KLRG1: variants seen among roughly 807,000 people sequenced by gnomAD.
KLRG1 encodes the protein killer cell lectin-like receptor subfamily G member 1.
KLRG1 carries 16 observed loss-of-function variants against 21.8 expected under a neutral mutation model. The observed-to-expected ratio is 0.73, with a 90% CI of 0.50 to 1.11. The LOEUF is 1.11. Ranked by LOEUF, KLRG1 falls within the 50% of genes most tolerant of loss-of-function variation. KLRG1 has a pLI of 0.00. For synonymous variants in KLRG1, 69 were observed against 75.9 expected, an observed-to-expected ratio of 0.91 and a Z score of 0.47; for missense variants, 173 against 218.3, an observed-to-expected ratio of 0.79 and a Z score of 1.31.
the KLRG1 span, among the ~76,000 whole-genome samples, chr12:9,035,425 C>T: frequency 6.6e-6 from 1 of 151,626 alleles, no homozygotes; most frequent in South Asian, 2.1e-4. Flanking sequence ...GGGAGGGGAA[C>T]ATCACACACC....
chr12:9,043,303 CCTGACCTCAGGTGA>C, the KLRG1 span, among the ~76,000 whole-genome samples: 1 of 152,314 alleles, frequency 6.6e-6, no homozygotes, highest in East Asian at 1.9e-4. Flanking sequence ...GTCTTGAACT[CCTGACCTCAGGTGA>C]TCCACTTGCC....
chr12:8,954,423 CA>C (rs34443402), intron 1 of KLRG1, among the ~76,000 whole-genome samples: 5 of 146,994 alleles, frequency 3.4e-5, no homozygotes, highest in Admixed American at 6.8e-5. Flanking sequence ...CTCTTACCAC[CA>C]AAAAAAAAAT....
chr12:9,072,068 T>C, the KLRG1 span, among the ~76,000 whole-genome samples: 1 of 152,170 alleles, frequency 6.6e-6, no homozygotes, highest in African/African-American at 2.4e-5. Context: ...AAGAATAATA[T>C]AGGATTTCAT....
chr12:9,151,638 A>G, the KLRG1 span: 1 of 1,614,012 alleles, frequency 6.2e-7, no homozygotes, highest in Non-Finnish European at 8.5e-7. Flanking sequence ...GTTGTTGCTC[A>G]CTTCTGTCCG....
the KLRG1 span, chr12:9,158,632 C>A: frequency 1.3e-6 from 2 of 1,554,062 alleles, no homozygotes; most frequent in Non-Finnish European, 1.8e-6. Flanking sequence ...CTTTACTGCT[C>A]TGTTTTGTAC....
upstream of KLRG1, among the ~76,000 whole-genome samples, chr12:8,985,516 C>T (rs937979818): frequency 9.2e-5 from 14 of 152,132 alleles, no homozygotes; most frequent in African/African-American, 3.4e-4. Context: ...CCCCCTACAC[C>T]CACAGACACC....
At chr12:9,069,243 T>C in the KLRG1 span, among the ~76,000 whole-genome samples, 2 of 152,226 alleles carry the variant, frequency 1.3e-5, no homozygotes, top group South Asian at 4.1e-4. Flanking sequence ...TTCATAAAAT[T>C]TGTAAACTAT....
At chr12:9,188,178 G>A in the KLRG1 span, among the ~76,000 whole-genome samples, 12 of 152,182 alleles carry the variant, frequency 7.9e-5, no homozygotes, top group South Asian at 2.1e-4. Flanking sequence ...TAGCTACCGC[G>A]ATCAAGTAGA....
chr12:9,018,235 T>C, the KLRG1 span, among the ~76,000 whole-genome samples: 1 of 152,074 alleles, frequency 6.6e-6, no homozygotes, highest in Non-Finnish European at 1.5e-5. Flanking sequence ...ACCAATGACA[T>C]TCTTCACAGA....
chr12:9,028,881 C>T, the KLRG1 span: 673 of 640,716 alleles, frequency 1.1e-3, 8 homozygotes, highest in African/African-American at 0.011. Context: ...CATTCGTGGC[C>T]GCATCCACCT....
chr12:8,985,497 G>T (rs1283325303), upstream of KLRG1, among the ~76,000 whole-genome samples: 1 of 152,042 alleles, frequency 6.6e-6, no homozygotes, highest in African/African-American at 2.4e-5. Context: ...GATTCAATAT[G>T]CAAGATCACC....
the KLRG1 span, among the ~76,000 whole-genome samples, chr12:9,061,732 A>G: frequency 6.6e-6 from 1 of 152,200 alleles, no homozygotes. Context: ...TTGGAGGCAT[A>G]CTAGTTAGAG....
the KLRG1 span, among the ~76,000 whole-genome samples, chr12:9,147,628 G>C: frequency 6.6e-6 from 1 of 152,138 alleles, no homozygotes; most frequent in East Asian, 1.9e-4. Context: ...CAGGGGGGAA[G>C]CCTGGGGGAA....
intron 3 of KLRG1, among the ~76,000 whole-genome samples, chr12:9,006,000 G>A (rs1033627777): frequency 6.6e-6 from 1 of 152,232 alleles, no homozygotes; most frequent in African/African-American, 2.4e-5. Flanking sequence ...TGGCCTGAGG[G>A]TTGGGGACCC....
chr12:8,973,108 G>A (rs575270413), intron 1 of KLRG1, among the ~76,000 whole-genome samples: 1 of 142,522 alleles, frequency 7.0e-6, no homozygotes, highest in Admixed American at 7.3e-5. Flanking sequence ...TCAGTGAGCT[G>A]AGATCGTGCC....
chr12:9,127,880 C>A, the KLRG1 span: 1 of 284,252 alleles, frequency 3.5e-6, no homozygotes, highest in South Asian at 3.6e-5. Context: ...GCAATTACAG[C>A]CACTACTTCA....
At chr12:9,059,366 T>C in the KLRG1 span, among the ~76,000 whole-genome samples, 1 of 152,250 alleles carries the variant, frequency 6.6e-6, no homozygotes, top group Non-Finnish European at 1.5e-5. Context: ...ATGCTAAATA[T>C]ATATTTGGTA....
the KLRG1 span, chr12:9,107,614 A>G: frequency 2.5e-6 from 4 of 1,614,010 alleles, no homozygotes; most frequent in African/African-American, 1.3e-5. Flanking sequence ...TCACAGTCAC[A>G]TGTCCAGGGA....
chr12:9,093,764 TAAC>T, the KLRG1 span, among the ~76,000 whole-genome samples: 2 of 151,670 alleles, frequency 1.3e-5, no homozygotes, highest in African/African-American at 4.9e-5. Context: ...TTGGTTGACT[TAAC>T]AAGCCAGGAG....
Sources: gnomAD v4.1 joint callset for allele counts (sites outside exome capture counted in the v4.1 genomes callset) on GRCh38, gnomAD v4.1.1 for gene constraint, MANE v1.5 for transcripts, NCBI Gene and HGNC (gene_info 2026-07-23, HGNC 2026-07-21) for gene names.